The following SUPT7L variants were observed in gnomAD, a reference collection of about 807,000 sequenced individuals.
The protein encoded by SUPT7L is SPT7 like, STAGA complex subunit gamma, also known as STAGA complex 65 subunit gamma.
In SUPT7L, 15 loss-of-function variants were observed where a neutral mutation model predicts 35.7. The observed-to-expected ratio is 0.42, with a 90% CI of 0.28 to 0.65. SUPT7L has a LOEUF of 0.65. Among genes scored for constraint, SUPT7L ranks in the 30% least tolerant of loss-of-function variants. The pLI, the probability that SUPT7L is intolerant of heterozygous loss-of-function variation, is 0.23. For missense variants in SUPT7L, 434 were observed against 522.2 expected, an observed-to-expected ratio of 0.83 and a Z score of 1.65; for synonymous variants, 168 against 186.2, an observed-to-expected ratio of 0.90 and a Z score of 0.79.
chr2:27,658,950 T>C (rs1447046950), intron 3 of SUPT7L, among the ~76,000 whole-genome samples: 4 of 152,248 alleles, frequency 2.6e-5, no homozygotes, highest in Non-Finnish European at 5.9e-5. Context: ...CCTAAATATG[T>C]ATAAAATAAA....
At chr2:27,644,531 G>A in the SUPT7L span, among the ~76,000 whole-genome samples, 1 of 151,696 alleles carries the variant, frequency 6.6e-6, no homozygotes, top group Non-Finnish European at 1.5e-5. Context: ...ATGTTAAAGA[G>A]GAATTCACCT....
In SUPT7L at chr2:27,652,680, T is replaced by C. The variant is rs1309013725; in HGVS notation, c.*805A>G. On this transcript the variant is annotated 3_prime_UTR_variant, in exon 6 of 6. Coordinates refer to ENST00000337768, the MANE Select transcript of SUPT7L (RefSeq NM_014860.3). Reference sequence around the variant, plus strand: ...TGCTGTCCTCTGATGACCAAGCAAATGCAACAAATGAAATATGCACAAGGC... The same window carrying C: ...TGCTGTCCTCTGATGACCAAGCAAACGCAACAAATGAAATATGCACAAGGC... The C allele has an allele frequency of 1.3e-5, 2 of 152,792 alleles. No individual in the cohort carries two copies. Among genetic ancestry groups the C allele is most frequent in the South Asian group, 2.1e-4 (1 of 4,832 alleles). The allele number at this position is 152,792 out of a possible 1,614,324, so 9.5% of individuals were successfully genotyped here. A position where few individuals can be genotyped will look rare whatever the true frequency, so the allele number is the denominator to read the frequency against.
chr2:27,653,780 G>A (rs1320426281), intron 5 of SUPT7L, 33 bp from the exon 6 acceptor site: 3 of 1,612,940 alleles, frequency 1.9e-6, no homozygotes, highest in South Asian at 1.1e-5. Context: ...CATACACCAA[G>A]TGTATATGTG....
At chr2:27,642,988 C>CACACACACAT in the SUPT7L span, among the ~76,000 whole-genome samples, 6 of 150,782 alleles carry the variant, frequency 4.0e-5, no homozygotes, top group Non-Finnish European at 8.9e-5. Context: ...CACACACACA[C>CACACACACAT]ACACACATAC....
chr2:27,650,167 G>A (rs772679594), downstream of SUPT7L: 7 of 1,603,354 alleles, frequency 4.4e-6, no homozygotes, highest in East Asian at 2.2e-5. Flanking sequence ...TGCAAGAATC[G>A]ATGGCACAAT....
the SUPT7L span, among the ~76,000 whole-genome samples, chr2:27,642,817 G>A: frequency 1.3e-5 from 2 of 151,814 alleles, no homozygotes; most frequent in Non-Finnish European, 2.9e-5. Flanking sequence ...CACCCACCTG[G>A]GCCTCCCAAA....
At chr2:27,662,864 C>G (rs1194087839) in intron 1 of SUPT7L, among the ~76,000 whole-genome samples, 1 of 152,012 alleles carries the variant, frequency 6.6e-6, no homozygotes, top group Non-Finnish European at 1.5e-5. Flanking sequence ...ACTGCAGCCT[C>G]AACCTCCTGG....
Position 27,661,289 on chromosome 2 carries a change from G to A in SUPT7L, c.114C>T (p.Pro38=), listed in dbSNP as rs1000299420. Residue 38 remains proline, a synonymous_variant, in exon 3 of 6, where the codon CCC becomes CCT. Coordinates refer to ENST00000337768, the MANE Select transcript of SUPT7L (RefSeq NM_014860.3). ...EFRLVEVHDP[P]LHQPSANKPK... ...GCTTGTTGGCTGAGGGTTGGTGCAG[G>A]GGTGGGTCATGGACTTCCACCAGAC... The A allele has an allele frequency of 6.2e-7, 1 of 1,613,822 alleles. No homozygotes were observed. Among genetic ancestry groups the A allele is most frequent in the Non-Finnish European group, 8.5e-7 (1 of 1,179,854 alleles).
In SUPT7L at chr2:27,661,000, C is replaced by T; in HGVS notation, c.403G>A (p.Glu135Lys). The change falls in exon 3 of 6, where the codon GAG (glutamate) becomes AAG (lysine). Residue 135 changes from glutamate to lysine, a missense_variant. Physicochemically the swap from Glu to Lys is moderately conservative, Grantham distance 56. Transcript: ENST00000337768. ...APFQIRHSDP[E>K]SDFYRGKGEP... ...TTGCCTTACCGATAAAAGTCACTCT[C>T]TGGGTCACTGTGCCGGATCTGGAAT... 1 of 1,613,938 alleles carries T rather than the reference C, an allele frequency of 6.2e-7. No individual in the cohort carries two copies. Among genetic ancestry groups the T allele is most frequent in the Non-Finnish European group, 8.5e-7 (1 of 1,179,870 alleles).
At chr2:27,649,397 C>G (rs78973614), downstream of SUPT7L, among the ~76,000 whole-genome samples, 1,522 of 152,046 alleles carry the variant, frequency 0.01, 17 homozygotes, top group Non-Finnish European at 0.016. Context: ...TGTAGTTTAC[C>G]AACAGTGAAA....
rs374318502 is a variant in SUPT7L, at chr2:27,655,507, C to T, written c.840G>A (p.Val280=). The part of the protein sequence containing the change: ...AKPVKIKEEP[V]SDITFPVSEE... ...CACTGACAGGAAAAGTGATGTCGCT[C>T]ACAGGTTCCTCCTTGATCTTCACAG... The change falls in exon 5 of 6, where the codon GTG becomes GTA. Residue 280 remains valine (V), a synonymous_variant. Transcript: ENST00000337768. 7 of 1,613,954 alleles carry T rather than the reference C, an allele frequency of 4.3e-6. No individual in the cohort carries two copies. The highest frequency in any genetic ancestry group is 5.9e-6 in the Non-Finnish European group (7 of 1,180,004).
chr2:27,660,181 C>G (rs1157427705), intron 3 of SUPT7L, among the ~76,000 whole-genome samples: 2 of 151,772 alleles, frequency 1.3e-5, no homozygotes, highest in Non-Finnish European at 2.9e-5. Flanking sequence ...TGCTGCAGAT[C>G]TTGGACCAGA....
At position 27,663,583 on chromosome 2, in the gene SUPT7L, AC is replaced by A. The variant is rs1177298687; in HGVS notation, c.-345del. ...AGGCCTGAGGCAAGGATCGCGTCAG[AC>A]CCCGAAAGCTGGTTTGTTGATTAGT... is the stretch of plus-strand genomic sequence containing the variant. On this transcript the variant is annotated 5_prime_UTR_variant, in exon 1 of 6. Transcript: ENST00000337768. 2 of 623,168 alleles carry A rather than the reference AC, an allele frequency of 3.2e-6. No individual in the cohort carries two copies. The highest frequency in any genetic ancestry group is 2.8e-6 in the Non-Finnish European group (1 of 359,424). The allele number at this position is 623,168 out of a possible 1,614,324, so 38.6% of individuals were successfully genotyped here.
intron 2 of SUPT7L, chr2:27,661,885 A>AG: frequency 2.1e-6 from 1 of 473,156 alleles, no homozygotes; most frequent in Non-Finnish European, 3.8e-6. Context: ...GATAATAAGA[A>AG]GTGGTTCTTA....
At chr2:27,650,131 T>C (rs1674455226), downstream of SUPT7L, 9 of 1,601,276 alleles carry the variant, frequency 5.6e-6, no homozygotes, top group Non-Finnish European at 7.7e-6. Flanking sequence ...AGGAAAGCCA[T>C]GAAGAGCCAG....
intron 4 of SUPT7L, among the ~76,000 whole-genome samples, chr2:27,656,853 G>T (rs1377723595): frequency 6.6e-6 from 1 of 151,972 alleles, no homozygotes; most frequent in Non-Finnish European, 1.5e-5. Context: ...TGTCCAGGCT[G>T]GTCTTGAACT....
rs759427199 is a variant in SUPT7L, at chr2:27,662,229, C to CA, written c.-38dup. 1.7e-5 allele frequency: 27 copies of CA among 1,610,780 alleles called. No homozygotes were observed. In the Admixed American group the frequency reaches 3.2e-4, roughly 19 times the overall value. ...CTCTTCAAGTTCAACAAACATTTAT[C>CA]AAATGCCAGGCATTCTGTGTCGGTC... is the stretch of plus-strand genomic sequence containing the variant. On this transcript the variant is annotated 5_prime_UTR_variant, in exon 2 of 6. The change abolishes the stop of an existing upstream ORF in the 5' untranslated region. Coordinates refer to ENST00000337768, the MANE Select transcript of SUPT7L (RefSeq NM_014860.3).
At chr2:27,643,127 G>A in the SUPT7L span, among the ~76,000 whole-genome samples, 1 of 150,810 alleles carries the variant, frequency 6.6e-6, no homozygotes, top group Non-Finnish European at 1.5e-5. This position sits in a 1 kb window ranked among gnomAD's most constrained non-coding sequence, Gnocchi z 4.0. Flanking sequence ...CTTGATGTGT[G>A]CTGTGGTGGT....
rs1248246647 is a variant in SUPT7L at position 27,662,243 on chromosome 2, TCTGTGTCGGTCAAAGAC to T, written c.-68_-52del. On this transcript the variant is annotated 5_prime_UTR_variant, in exon 2 of 6. Transcript: ENST00000337768. ...CAAACATTTATCAAATGCCAGGCAT[TCTGTGTCGGTCAAAGAC>T]TGATAATGTGAGATCCTTGCCCTGA... 5 of 1,596,226 alleles carry T rather than the reference TCTGTGTCGGTCAAAGAC, an allele frequency of 3.1e-6. No individual in the cohort carries two copies. The African/African-American group carries it at 4.0e-5, about 13-fold the overall frequency.
Sources: allele counts gnomAD v4.1 joint callset (sites outside exome capture counted in the v4.1 genomes callset), GRCh38; gene constraint gnomAD v4.1.1; non-coding constraint Gnocchi (gnomAD v3.1); transcripts MANE v1.5; gene names NCBI Gene and HGNC (gene_info 2026-07-23, HGNC 2026-07-21).